Variants in NAV3 observed in about 807,000 individuals in gnomAD.
NAV3 encodes the protein neuron navigator 3.
NAV3 carries 87 observed loss-of-function variants against 244.7 expected under a neutral mutation model. That is an observed-to-expected ratio of 0.36 (90% CI 0.30 to 0.42). The LOEUF (loss-of-function observed/expected upper bound fraction) is 0.42. Among genes scored for constraint, NAV3 ranks in the 20% least tolerant of loss-of-function variants. NAV3 has a pLI of 1.00. For synonymous variants in NAV3, 1,126 were observed against 1,042.2 expected (o/e 1.08, Z -1.55); for missense variants, 2,663 against 2,893.3 (o/e 0.92, Z 1.83).
intron 15 of NAV3, among the ~76,000 whole-genome samples, 190 bp from the exon 16 acceptor site, chr12:78,121,750 C>T (rs1364979530): frequency 6.6e-6 from 1 of 152,056 alleles, no homozygotes; most frequent in East Asian, 1.9e-4. Context: ...CTGACCTACC[C>T]TTATATGAGA....
intron 2 of NAV3, among the ~76,000 whole-genome samples, chr12:77,802,897 G>A (rs1216900668): frequency 1.3e-5 from 2 of 152,090 alleles, no homozygotes; most frequent in African/African-American, 4.8e-5. Context: ...TCGATCTCCT[G>A]ACCTCACGAT....
chr12:77,596,571 A>C (rs1870178338), intron 2 of NAV3, among the ~76,000 whole-genome samples: 1 of 152,184 alleles, frequency 6.6e-6, no homozygotes, highest in African/African-American at 2.4e-5. Context: ...ATATTTTAGC[A>C]TATATTTTTA....
At chr12:77,706,870 CAAAAAAAAAAAAAA>C (rs34067727) in intron 2 of NAV3, among the ~76,000 whole-genome samples, 1 of 68,036 alleles carries the variant, frequency 1.5e-5, no homozygotes, top group Non-Finnish European at 2.4e-5. Flanking sequence ...GACTCTGTTT[CAAAAAAAAAAAAAA>C]AAAAAAAAAC....
chr12:77,785,738 G>A (rs1520739), intron 2 of NAV3, among the ~76,000 whole-genome samples: 39,641 of 152,058 alleles, frequency 0.26, 5,366 homozygotes, highest in East Asian at 0.33. Context: ...GGTGGTAGGC[G>A]TGGGCTGCCT....
intron 9 of NAV3, among the ~76,000 whole-genome samples, chr12:78,042,934 G>GT (rs35626608): frequency 9.7e-4 from 145 of 149,158 alleles, no homozygotes; most frequent in Middle Eastern, 3.5e-3. Context: ...AATGATCATA[G>GT]TTTTTTTTTT....
At chr12:78,145,036 T>A (rs401365) in intron 20 of NAV3, 6,104 of 305,338 alleles carry the variant, frequency 0.02, 84 homozygotes, top group Non-Finnish European at 0.026. Context: ...TTGTGCCATA[T>A]GTTTTAAGGC....
intron 5 of NAV3, among the ~76,000 whole-genome samples, chr12:77,972,035 A>G (rs1025394670): frequency 2.0e-4 from 31 of 152,222 alleles, no homozygotes; most frequent in African/African-American, 7.2e-4. Context: ...AAAGGTTAAC[A>G]AGTGAAATAT....
chr12:78,051,036 GT>G lies in NAV3; in HGVS notation c.2406del (p.Ser802ArgfsTer20). The G allele has an allele frequency of 6.2e-7, 1 of 1,614,156 alleles. No homozygotes were observed. The highest frequency in any genetic ancestry group is 8.5e-7 in the Non-Finnish European group (1 of 1,180,040). On this transcript the variant is annotated frameshift_variant, in exon 11 of 40. Transcript: ENST00000397909. LOFTEE classifies it high-confidence loss of function. ...GGAAACATGTCACAGATTGACATGA[GT>G]GAGAAAGCAAGCAGTGACCTGGACA... ...RLGNMSQIDM[S>X]EKASSDLDMS... is the part of the protein sequence containing the mutation.
At chr12:77,836,946 G>T (rs1288969046) in intron 1 of NAV3, among the ~76,000 whole-genome samples, 2 of 152,072 alleles carry the variant, frequency 1.3e-5, no homozygotes, top group Admixed American at 6.5e-5. Context: ...TCTTGCTGTT[G>T]TGTTCACACA....
intron 9 of NAV3, among the ~76,000 whole-genome samples, chr12:78,041,098 A>C (rs541601330): frequency 5.3e-5 from 8 of 152,332 alleles, no homozygotes; most frequent in Middle Eastern, 6.8e-3. Context: ...GATCAGTCTC[A>C]AGGGTTATTA....
chr12:77,852,320 C>T (rs542798695), intron 1 of NAV3, among the ~76,000 whole-genome samples: 48 of 152,050 alleles, frequency 3.2e-4, no homozygotes, highest in Non-Finnish European at 5.6e-4. Flanking sequence ...GGATAACCTG[C>T]AGTCAGGAAT....
rs191164563 is a variant in NAV3, at chr12:78,062,078, G to A, written c.2636+2963G>A. ...CTTCTCTCTGCTCCTGCAGCATGCC[G>A]TTGATTTTTCTGTTATGCAGTCACA... is the stretch of plus-strand genomic sequence containing the variant. On this transcript the variant is annotated intron_variant, in intron 12 of 39. Coordinates refer to ENST00000397909, the MANE Select transcript of NAV3 (RefSeq NM_001024383.2). 3.2e-4 allele frequency among the ~76,000 whole-genome samples: 48 copies of A among 152,200 alleles called. 1 individual carries two copies. The East Asian group carries it at 5.0e-3, about 16-fold the overall frequency.
rs1174900156 is a variant in NAV3 at position 77,725,736 on chromosome 12, A to G, written c.72+153470A>G. Among the ~76,000 whole-genome samples, 5 of 152,078 alleles carry G rather than the reference A, an allele frequency of 3.3e-5. No individual in the cohort carries two copies. In the East Asian group the frequency reaches 5.8e-4, roughly 18 times the overall value. On this transcript the variant is annotated intron_variant, in intron 2 of 8. Transcript: ENST00000550042. Reference sequence around the variant, plus strand: ...ACAAACTTGATGGCTGGCGACCACAAAAATGTTTATCTTACTGTTCTGGAA... The same window carrying G: ...ACAAACTTGATGGCTGGCGACCACAGAAATGTTTATCTTACTGTTCTGGAA...
At position 78,190,156 on chromosome 12, in the gene NAV3, A is replaced by C. The variant is rs757336264; in HGVS notation, c.6228A>C (p.Lys2076Asn). Reference protein sequence around the residue: ...ANKLAEYVITKSGRKKTEDAI... With the variant: ...ANKLAEYVITNSGRKKTEDAI... ...AACTTGCTGAATATGTAATAACCAA[A>C]TCTGGAAGGAAAAAAACAGAGGATG... The change falls in exon 34 of 40, where the codon AAA (lysine) becomes AAC (asparagine). Residue 2076 changes from lysine to asparagine, a missense_variant. This residue lies in a region of NAV3 where 543 missense variants were observed against 672.4 expected (regional missense o/e 0.81). Transcript: ENST00000397909. 1 of 1,613,012 alleles carries C rather than the reference A, an allele frequency of 6.2e-7. No individual in the cohort carries two copies. The highest frequency in any genetic ancestry group is 8.5e-7 in the Non-Finnish European group (1 of 1,179,478).
At chr12:77,750,065 C>G (rs1037318024) in intron 2 of NAV3, among the ~76,000 whole-genome samples, 1 of 152,098 alleles carries the variant, frequency 6.6e-6, no homozygotes, top group African/African-American at 2.4e-5. Context: ...TAAAGATAAC[C>G]TCTGTTGGCT....
intron 12 of NAV3, among the ~76,000 whole-genome samples, chr12:78,108,517 C>T (rs764245663): frequency 1.3e-5 from 2 of 152,098 alleles, no homozygotes; most frequent in Non-Finnish European, 2.9e-5. Context: ...GTGTCATCAG[C>T]ACATGAAACA....
At chr12:77,655,153 A>G (rs1206144850) in intron 2 of NAV3, among the ~76,000 whole-genome samples, 1 of 152,056 alleles carries the variant, frequency 6.6e-6, no homozygotes, top group Non-Finnish European at 1.5e-5. Flanking sequence ...TGATCAAACT[A>G]CTCCGAGCTA....
chr12:78,148,538 G>T (rs2139219397), intron 21 of NAV3, among the ~76,000 whole-genome samples: 1 of 152,194 alleles, frequency 6.6e-6, no homozygotes, highest in Non-Finnish European at 1.5e-5. Context: ...AGTTTTTCTA[G>T]AAGGAGAAGA....
intron 32 of NAV3, 125 bp from the exon 33 acceptor site, chr12:78,188,484 A>G: frequency 8.5e-7 from 1 of 1,170,808 alleles, no homozygotes; most frequent in Admixed American, 2.4e-5. Context: ...TTTGATATTA[A>G]CAGTTCTTAT....
Sources: gnomAD v4.1 joint callset for allele counts (sites outside exome capture counted in the v4.1 genomes callset) on GRCh38, gnomAD v4.1.1 for gene constraint, gnomAD v4.1.1 regional missense constraint, MANE v1.5 for transcripts, NCBI Gene and HGNC (gene_info 2026-07-23, HGNC 2026-07-21) for gene names.